The following ANKRD50 variants were observed in gnomAD, a reference collection of about 807,000 sequenced individuals.
ANKRD50 encodes ankyrin repeat domain 50, also known as ankyrin repeat domain-containing protein 50.
ANKRD50 carries 40 observed loss-of-function variants against 112.0 expected under a neutral mutation model. That is an observed-to-expected ratio of 0.36 (90% CI 0.28 to 0.46). The LOEUF (loss-of-function observed/expected upper bound fraction) is 0.46. ANKRD50 is among the 20% of genes least tolerant of loss of function. ANKRD50 has a pLI of 1.00. For synonymous variants in ANKRD50, 613 were observed against 619.1 expected, an observed-to-expected ratio of 0.99 and a Z score of 0.15; for missense variants, 1,487 against 1,701.7, an observed-to-expected ratio of 0.87 and a Z score of 2.22.
intron 2 of ANKRD50, among the ~76,000 whole-genome samples, chr4:124,701,708 A>G (rs868779865): frequency 2.0e-5 from 3 of 151,992 alleles, no homozygotes; most frequent in African/African-American, 7.2e-5. Flanking sequence ...TTGTTTGTTT[A>G]TAGAGATGGG....
chr4:124,672,117 C>T lies in ANKRD50; in HGVS notation c.1160G>A (p.Arg387His), dbSNP rs747807273. The change falls in exon 4 of 5, where the codon CGC becomes CAC. Residue 387 changes from arginine (R) to histidine (H), a missense_variant. Coordinates refer to ENST00000504087, the MANE Select transcript of ANKRD50 (RefSeq NM_020337.3). ...AAGTTTGGAGAGGATATCTAACTTG[C>T]GTTGAAAATCTTCCAAAGTTAACGA... ...NMSLTLEDFQ[R>H]KLDILSKLLV... 1.5e-5 allele frequency: 24 copies of T among 1,613,714 alleles called. No individual in the cohort carries two copies. The highest frequency in any genetic ancestry group is 1.6e-4 in the Middle Eastern group (1 of 6,080).
At chr4:124,689,889 T>C (rs759931659) in intron 2 of ANKRD50, among the ~76,000 whole-genome samples, 3 of 151,600 alleles carry the variant, frequency 2.0e-5, no homozygotes, top group Non-Finnish European at 4.4e-5. Flanking sequence ...TTTCCCTTCA[T>C]ATAGGTTACT....
At chr4:124,668,916 G>T in intron 4 of ANKRD50, 68 bp downstream of exon 4, 1 of 1,425,906 alleles carries the variant, frequency 7.0e-7, no homozygotes, top group Non-Finnish European at 9.5e-7. Flanking sequence ...TGTGATCAAG[G>T]AAAAGAGCAT....
At chr4:124,675,243 T>C (rs1280702105) in intron 3 of ANKRD50, among the ~76,000 whole-genome samples, 3 of 151,782 alleles carry the variant, frequency 2.0e-5, no homozygotes, top group Non-Finnish European at 4.4e-5. Flanking sequence ...TATTCTTGCT[T>C]GAATTATTTC....
intron 2 of ANKRD50, among the ~76,000 whole-genome samples, chr4:124,680,154 T>G (rs987314796): frequency 6.6e-6 from 1 of 152,184 alleles, no homozygotes; most frequent in Admixed American, 6.5e-5. Context: ...ACTAACAAAT[T>G]TGCAATTTTA....
At position 124,710,342 on chromosome 4, in the gene ANKRD50, G is replaced by A; in HGVS notation, c.170C>T (p.Ser57Phe). The A allele has an allele frequency of 6.2e-7, 1 of 1,614,160 alleles. No individual in the cohort carries two copies. The highest frequency in any genetic ancestry group is 8.5e-7 in the Non-Finnish European group (1 of 1,180,030). The change falls in exon 2 of 5, where the codon TCT (serine) becomes TTT (phenylalanine). Residue 57 changes from serine (S) to phenylalanine (F), a missense_variant. This residue lies in a region of ANKRD50 where 1,046 missense variants were observed against 1,269.5 expected (regional missense o/e 0.82). Transcript: ENST00000504087. ...AGAGACACCACTAGCATTATTCCCA[G>A]AATTCATTACAAGTGATGGTGCATT... ...AVNAPSLVMN[S>F]GNNASGVSGK...
At position 124,708,331 on chromosome 4, in the gene ANKRD50, T is replaced by G. The variant is rs150804508; in HGVS notation, c.512+1669A>C. 3.9e-4 allele frequency among the ~76,000 whole-genome samples: 59 copies of G among 152,312 alleles called. 1 individual carries two copies. In the East Asian group the frequency reaches 0.011, roughly 28 times the overall value. ...ATCAACTAACAGATTTCCTCATTAA[T>G]TTAAGAATGATACAACAGTTTTAAC... On this transcript the variant is annotated intron_variant, in intron 2 of 4. Coordinates refer to ENST00000504087, the MANE Select transcript of ANKRD50 (RefSeq NM_020337.3).
At chr4:124,708,719 C>T (rs1050156744) in intron 2 of ANKRD50, among the ~76,000 whole-genome samples, 1 of 137,800 alleles carries the variant, frequency 7.3e-6, no homozygotes, top group African/African-American at 2.6e-5. Flanking sequence ...CACACACACA[C>T]ATACACACAC....
chr4:124,668,131 T>A (rs1730542395), intron 4 of ANKRD50, among the ~76,000 whole-genome samples: 1 of 151,900 alleles, frequency 6.6e-6, no homozygotes, highest in Non-Finnish European at 1.5e-5. Flanking sequence ...AAAAAGTATC[T>A]AAAATATAAA....
chr4:124,687,969 C>T (rs1051686241), intron 2 of ANKRD50, among the ~76,000 whole-genome samples: 20 of 152,180 alleles, frequency 1.3e-4, no homozygotes, highest in African/African-American at 4.6e-4. Flanking sequence ...TACTACATGT[C>T]CTAGCAATCC....
At chr4:124,697,597 T>C (rs1725281980) in intron 2 of ANKRD50, among the ~76,000 whole-genome samples, 1 of 152,148 alleles carries the variant, frequency 6.6e-6, no homozygotes, top group African/African-American at 2.4e-5. Context: ...TGCTGTCACA[T>C]AGCCCAAGGC....
At chr4:124,689,502 T>A (rs1377097827) in intron 2 of ANKRD50, among the ~76,000 whole-genome samples, 1 of 152,178 alleles carries the variant, frequency 6.6e-6, no homozygotes, top group African/African-American at 2.4e-5. Context: ...TAAAGCAGAT[T>A]GTCCTTCCTA....
intron 2 of ANKRD50, among the ~76,000 whole-genome samples, chr4:124,680,790 G>A (rs553705996): frequency 2.6e-5 from 4 of 152,144 alleles, no homozygotes; most frequent in African/African-American, 9.6e-5. Context: ...AGGTTGGTAA[G>A]GTAATGAGCC....
At position 124,670,144 on chromosome 4, in the gene ANKRD50, C is replaced by A. The variant is rs754303830; in HGVS notation, c.3133G>T (p.Gly1045Cys). Residue 1045 changes from glycine (G) to cysteine (C), a missense_variant, in exon 4 of 5, where the codon GGT becomes TGT. Around this residue, in one of 2 missense-constraint regions of ANKRD50, gnomAD observed 1,046 missense variants for 1,269.5 expected, o/e 0.82. Coordinates refer to ENST00000504087, the MANE Select transcript of ANKRD50 (RefSeq NM_020337.3). ...GCTGCAATACAGAGTGCAGTTGCAC[C>A]TTGGTTACATGTATGGTCAACTACA... Reference protein sequence around the residue: ...GAVVDHTCNQGATALCIAAQE... With the variant: ...GAVVDHTCNQCATALCIAAQE... The A allele has an allele frequency of 6.2e-7, 1 of 1,612,242 alleles. No individual in the cohort carries two copies. Among genetic ancestry groups the A allele is most frequent in the Non-Finnish European group, 8.5e-7 (1 of 1,179,464 alleles).
In ANKRD50 at chr4:124,710,316, C is replaced by T. The variant is rs749706268; in HGVS notation, c.196G>A (p.Gly66Arg). 7.4e-6 allele frequency: 12 copies of T among 1,614,156 alleles called. No individual in the cohort carries two copies. In the South Asian group the frequency reaches 1.2e-4, roughly 16 times the overall value. ...NSGNNASGVSGKGAAWGVLLV... is the reference protein window; with the variant it reads ...NSGNNASGVSRKGAAWGVLLV... ...AACACACCCCAGGCAGCTCCCTTTC[C>T]AGAGACACCACTAGCATTATTCCCA... The change falls in exon 2 of 5, where the codon GGA (glycine) becomes AGA (arginine). Residue 66 changes from glycine (G) to arginine (R), a missense_variant. Gly to Arg is a moderately radical substitution (Grantham distance 125). Coordinates refer to ENST00000504087, the MANE Select transcript of ANKRD50 (RefSeq NM_020337.3).
At chr4:124,698,755 G>C (rs1307792485) in intron 2 of ANKRD50, among the ~76,000 whole-genome samples, 1 of 152,084 alleles carries the variant, frequency 6.6e-6, no homozygotes, top group Non-Finnish European at 1.5e-5. Context: ...CCATCCAATT[G>C]GGATTTTTGT....
chr4:124,712,433 ACCG>A (rs1199943498), intron 1 of ANKRD50, 22 bp downstream of exon 1: 18 of 159,126 alleles, frequency 1.1e-4, no homozygotes, highest in Non-Finnish European at 2.0e-4. Flanking sequence ...CCTCGCTTCC[ACCG>A]CCGCCGCCGC....
At chr4:124,709,303 C>A (rs1264715974) in intron 2 of ANKRD50, among the ~76,000 whole-genome samples, 3 of 151,916 alleles carry the variant, frequency 2.0e-5, no homozygotes, top group Non-Finnish European at 4.4e-5. Flanking sequence ...AATCTGAAAC[C>A]ACTCTGGAAA....
intron 3 of ANKRD50, among the ~76,000 whole-genome samples, chr4:124,677,651 T>C (rs182742429): frequency 1.6e-4 from 25 of 152,006 alleles, no homozygotes; most frequent in African/African-American, 5.8e-4. Flanking sequence ...CCCCATTTCA[T>C]AGATAAGGAA....
Sources: gnomAD v4.1 joint callset for allele counts (sites outside exome capture counted in the v4.1 genomes callset) on GRCh38, gnomAD v4.1.1 for gene constraint, gnomAD v4.1.1 regional missense constraint, MANE v1.5 for transcripts, NCBI Gene and HGNC (gene_info 2026-07-23, HGNC 2026-07-21) for gene names.